Variants in NRG1 observed in about 807,000 individuals in gnomAD.
The protein encoded by NRG1 is neuregulin 1.
In NRG1, 18 loss-of-function variants were observed where a neutral mutation model predicts 63.8. That is an observed-to-expected ratio of 0.28 (90% CI 0.19 to 0.42). The LOEUF (loss-of-function observed/expected upper bound fraction) is 0.42, where lower values mean the gene tolerates loss of function less well. NRG1 is among the 10% of genes least tolerant of loss of function. The pLI is 1.00. For synonymous variants in NRG1, 302 were observed against 301.3 expected (o/e 1.00, Z -0.02); for missense variants, 762 against 814.7 (o/e 0.94, Z 0.79).
intron 11 of NRG1, chr8:32,763,261 T>A (rs1413856703): frequency 1.2e-6 from 2 of 1,614,042 alleles, no homozygotes; most frequent in Non-Finnish European, 1.7e-6. Flanking sequence ...GGCACACAGA[T>A]CCAAATGCAT....
At chr8:32,319,616 C>T (rs1801144905) in intron 1 of NRG1, among the ~76,000 whole-genome samples, 1 of 152,036 alleles carries the variant, frequency 6.6e-6, no homozygotes, top group South Asian at 2.1e-4. Context: ...TGCTGTCACT[C>T]CAGGTAACAC....
intron 1 of NRG1, among the ~76,000 whole-genome samples, chr8:31,836,076 G>A (rs1825666473): frequency 6.6e-6 from 1 of 152,132 alleles, no homozygotes; most frequent in Non-Finnish European, 1.5e-5. Context: ...GTACATGTAA[G>A]GCAACACATT....
chr8:32,614,488 A>G (rs778721848), intron 3 of NRG1, 26 bp from the exon 4 acceptor site: 2 of 1,610,844 alleles, frequency 1.2e-6, no homozygotes, highest in Admixed American at 3.3e-5. Context: ...TATATATCAT[A>G]ATGTCCTATC....
intron 1 of NRG1, chr8:32,136,810 A>G (rs1456256996): frequency 6.6e-6 from 1 of 152,202 alleles, no homozygotes; most frequent in Non-Finnish European, 1.5e-5. Context: ...ACTTTCCTCA[A>G]TCATTTGTCA....
chr8:32,469,252 G>A (rs558891442), intron 1 of NRG1, among the ~76,000 whole-genome samples: 7 of 152,294 alleles, frequency 4.6e-5, no homozygotes, highest in Non-Finnish European at 8.8e-5. Context: ...AAAGAGAGAT[G>A]TTTAGTACAT....
At chr8:32,636,506 G>T (rs1376568151) in intron 5 of NRG1, among the ~76,000 whole-genome samples, 1 of 152,182 alleles carries the variant, frequency 6.6e-6, no homozygotes, top group Non-Finnish European at 1.5e-5. Context: ...ACTGGAAAAG[G>T]TGTGTTCAGA....
intron 1 of NRG1, among the ~76,000 whole-genome samples, chr8:31,723,787 T>A (rs916965216): frequency 6.6e-6 from 1 of 152,140 alleles, no homozygotes; most frequent in Non-Finnish European, 1.5e-5. Flanking sequence ...AATTTAGAAA[T>A]GAAGAAAGTG....
chr8:31,897,582 C>T (rs1831679151), intron 1 of NRG1, among the ~76,000 whole-genome samples: 2 of 152,132 alleles, frequency 1.3e-5, no homozygotes, highest in Admixed American at 6.5e-5. Flanking sequence ...AATCTATTCT[C>T]TCTGAAGCCT....
In NRG1 at chr8:31,931,460, A is replaced by G. The variant is rs543021377; in HGVS notation, c.37+292029A>G. Among the ~76,000 whole-genome samples the G allele has an allele frequency of 5.9e-5, 9 of 152,292 alleles. No homozygotes were observed. The East Asian group carries it at 1.7e-3, about 29-fold the overall frequency. The stretch of plus-strand genomic sequence containing the variant: ...AGCTTTTGAACTCACCAGGGCCTCA[A>G]TTTCCTAACCTATAAAATTTTTGTG... On this transcript the variant is annotated intron_variant, in intron 1 of 10. Coordinates refer to the NRG1 transcript ENST00000519301.
chr8:32,289,569 T>TC (rs1853950453), intron 1 of NRG1, among the ~76,000 whole-genome samples: 1 of 152,208 alleles, frequency 6.6e-6, no homozygotes, highest in South Asian at 2.1e-4. Flanking sequence ...TATTTGTAAG[T>TC]CAAGCAAATT....
chr8:32,064,785 A>G (rs559279598), intron 1 of NRG1, among the ~76,000 whole-genome samples: 65 of 152,150 alleles, frequency 4.3e-4, no homozygotes, highest in Non-Finnish European at 7.8e-4. Flanking sequence ...AACCAGCAGT[A>G]TAAGAACTGC....
At chr8:31,639,862 A>G in intron 1 of NRG1, 3 of 1,109,624 alleles carry the variant, frequency 2.7e-6, no homozygotes, top group Non-Finnish European at 3.3e-6. Context: ...TAAATAAATA[A>G]AAGGAGGAGG....
chr8:32,455,434 A>C (rs1821481949), intron 1 of NRG1, among the ~76,000 whole-genome samples: 1 of 152,204 alleles, frequency 6.6e-6, no homozygotes, highest in Non-Finnish European at 1.5e-5. Flanking sequence ...CATGGAATCA[A>C]ATCCCTGATG....
intron 1 of NRG1, among the ~76,000 whole-genome samples, chr8:32,249,750 T>C (rs1848913612): frequency 6.6e-6 from 1 of 152,038 alleles, no homozygotes; most frequent in Non-Finnish European, 1.5e-5. Flanking sequence ...ATTACCTGTG[T>C]TGAGTAAACA....
rs1803540242 is a variant in NRG1 at position 31,639,686 on chromosome 8, G to T, written c.37+255G>T. 3.3e-5 allele frequency: 46 copies of T among 1,402,250 alleles called. No individual in the cohort carries two copies. The South Asian group carries it at 6.8e-4, about 21-fold the overall frequency. 86.9% of individuals were successfully genotyped at this position (1,402,250 alleles called of 1,614,324 possible). A position where few individuals can be genotyped will look rare whatever the true frequency, so the allele number is the denominator to read the frequency against. On this transcript the variant is annotated intron_variant, in intron 1 of 10. Coordinates refer to the NRG1 transcript ENST00000519301. ...GGGCGCGGCGGCGGCGCGGGGGGTG[G>T]GGGGACCTGTCACTCCCTGTAACTG...
intron 1 of NRG1, among the ~76,000 whole-genome samples, chr8:32,339,943 C>T (rs764443281): frequency 3.9e-5 from 6 of 151,942 alleles, no homozygotes; most frequent in Admixed American, 6.6e-5. Flanking sequence ...ATCTAAAAAT[C>T]TGCTTGATGA....
intron 1 of NRG1, among the ~76,000 whole-genome samples, chr8:31,888,505 T>C (rs1283335695): frequency 6.6e-6 from 1 of 152,142 alleles, no homozygotes; most frequent in African/African-American, 2.4e-5. Flanking sequence ...TTCACAACAC[T>C]GTTAACTGTC....
Position 31,640,744 on chromosome 8 carries a change from C to T in NRG1, c.37+1313C>T. The T allele has an allele frequency of 6.6e-7, 1 of 1,513,316 alleles. No homozygotes were observed. Among genetic ancestry groups the T allele is most frequent in the Non-Finnish European group, 8.9e-7 (1 of 1,129,630 alleles). The allele number at this position is 1,513,316 out of a possible 1,614,324, so 93.7% of individuals were successfully genotyped here. A position where few individuals can be genotyped will look rare whatever the true frequency, so the allele number is the denominator to read the frequency against. On this transcript the variant is annotated intron_variant, in intron 1 of 10. Transcript: ENST00000519301. This position sits in a 1 kb window ranked among gnomAD's most constrained non-coding sequence, Gnocchi z 6.3. ...CAAGCGGTGCGGTAAGTTCCTCGCC[C>T]TTGGGGGCGCGAACCCGCGGCGAGG...
chr8:32,085,034 C>T (rs1430317745), intron 1 of NRG1, among the ~76,000 whole-genome samples: 2 of 152,180 alleles, frequency 1.3e-5, no homozygotes, highest in South Asian at 2.1e-4. Context: ...TACACATATG[C>T]GCAAGCGTAA....
Sources: gnomAD v4.1 joint callset for allele counts (sites outside exome capture counted in the v4.1 genomes callset) on GRCh38, gnomAD v4.1.1 for gene constraint, Gnocchi (gnomAD v3.1) non-coding constraint, MANE v1.5 for transcripts, NCBI Gene and HGNC (gene_info 2026-07-23, HGNC 2026-07-21) for gene names.